CNTNAP2: variants seen among roughly 807,000 people sequenced by gnomAD.
CNTNAP2 encodes contactin associated protein 2, also known as contactin-associated protein-like 2.
CNTNAP2 carries 98 observed loss-of-function variants against 155.2 expected under a neutral mutation model. The ratio of observed to expected loss-of-function variants is 0.63; its 90% CI spans 0.54 to 0.75. The LOEUF (loss-of-function observed/expected upper bound fraction) is 0.75. Among genes scored for constraint, CNTNAP2 ranks in the 30% least tolerant of loss-of-function variants. The pLI, the probability that CNTNAP2 is intolerant of heterozygous loss-of-function variation, is 0.00. For missense variants in CNTNAP2, 1,727 were observed against 1,688.1 expected (o/e 1.02, Z -0.40); for synonymous variants, 651 against 631.2 (o/e 1.03, Z -0.47).
intron 13 of CNTNAP2, among the ~76,000 whole-genome samples, chr7:147,739,166 G>A (rs926011557): frequency 4.0e-5 from 6 of 148,228 alleles, no homozygotes; most frequent in African/African-American, 7.4e-5. Context: ...TTCTTAAATA[G>A]GAGAATACTA....
chr7:146,845,839 T>C (rs541242815), intron 3 of CNTNAP2, among the ~76,000 whole-genome samples: 1 of 152,296 alleles, frequency 6.6e-6, no homozygotes, highest in Admixed American at 6.5e-5. Flanking sequence ...CCAGGTGCCA[T>C]TGCAGTGCTT....
At chr7:146,947,458 CTA>C (rs1334193318) in intron 3 of CNTNAP2, among the ~76,000 whole-genome samples, 17 of 135,902 alleles carry the variant, frequency 1.3e-4, no homozygotes, top group African/African-American at 4.1e-4. Flanking sequence ...ATATATCTTT[CTA>C]TATATATTGT....
At chr7:146,816,739 C>T (rs1563243568) in intron 2 of CNTNAP2, among the ~76,000 whole-genome samples, 4 of 152,124 alleles carry the variant, frequency 2.6e-5, no homozygotes, top group Non-Finnish European at 5.9e-5. Context: ...CAGTAAAGCA[C>T]GGTGGTTAAA....
rs2074715 is a variant in CNTNAP2, at chr7:147,562,282, A to G, written c.1897+25A>G. On this transcript the variant is annotated intron_variant, in intron 12 of 23. Coordinates refer to ENST00000361727, the MANE Select transcript of CNTNAP2 (RefSeq NM_014141.6). The stretch of plus-strand genomic sequence containing the variant: ...GGTAACTGTGTCATATTTATGTTTT[A>G]TGAAGATGCTTTTCTATATGTCACG... 756,122 of 1,612,298 alleles carry G rather than the reference A, an allele frequency of 0.47. 178,422 individuals carry two copies. The highest frequency in any genetic ancestry group is 0.6 in the East Asian group (26,664 of 44,806).
rs117628449 is a variant in CNTNAP2, at chr7:147,501,280, T to A, written c.1777+15239T>A. 3.9e-3 allele frequency among the ~76,000 whole-genome samples: 589 copies of A among 151,788 alleles called. 5 individuals are homozygous for A. The highest frequency in any genetic ancestry group is 0.035 in the East Asian group (182 of 5,164). ...GAGGAGCCCACAGCTATCATCATCCTCAATGGTGAAAAACTGAACGCTTTC... is the reference window on the plus strand; with the variant it reads ...GAGGAGCCCACAGCTATCATCATCCACAATGGTGAAAAACTGAACGCTTTC... On this transcript the variant is annotated intron_variant, in intron 11 of 23. Coordinates refer to ENST00000361727, the MANE Select transcript of CNTNAP2 (RefSeq NM_014141.6).
chr7:147,089,679 A>G (rs939660877), intron 4 of CNTNAP2, among the ~76,000 whole-genome samples: 5 of 152,362 alleles, frequency 3.3e-5, no homozygotes, highest in East Asian at 3.9e-4. Flanking sequence ...ACCAAAGTTT[A>G]CATTGAATAC....
At chr7:146,596,989 G>A (rs1011678400) in intron 1 of CNTNAP2, among the ~76,000 whole-genome samples, 1 of 152,018 alleles carries the variant, frequency 6.6e-6, no homozygotes, top group Admixed American at 6.6e-5. Flanking sequence ...AATAAATGTT[G>A]AGGTTGAATG....
At chr7:147,115,671 A>G (rs1800971437) in intron 5 of CNTNAP2, among the ~76,000 whole-genome samples, 1 of 152,064 alleles carries the variant, frequency 6.6e-6, no homozygotes, top group Non-Finnish European at 1.5e-5. Flanking sequence ...TGTCAATTAT[A>G]TTCCTCTCTA....
At chr7:146,954,122 T>C (rs183222214) in intron 3 of CNTNAP2, among the ~76,000 whole-genome samples, 6 of 152,078 alleles carry the variant, frequency 3.9e-5, no homozygotes, top group African/African-American at 9.6e-5. Flanking sequence ...ATTTCTTGCT[T>C]TGAAATTTTA....
intron 1 of CNTNAP2, among the ~76,000 whole-genome samples, chr7:146,591,182 A>G (rs1385503171): frequency 6.6e-6 from 1 of 152,218 alleles, no homozygotes; most frequent in African/African-American, 2.4e-5. Flanking sequence ...GTATATATAA[A>G]GCATAAATGA....
intron 3 of CNTNAP2, among the ~76,000 whole-genome samples, chr7:146,914,112 GT>G (rs752699759): frequency 6.6e-6 from 1 of 151,538 alleles, no homozygotes; most frequent in African/African-American, 2.4e-5. Context: ...TAAAAGTAAT[GT>G]TTTTTTAAAA....
intron 1 of CNTNAP2, among the ~76,000 whole-genome samples, chr7:146,596,179 T>C (rs539256776): frequency 6.6e-6 from 1 of 152,168 alleles, no homozygotes; most frequent in South Asian, 2.1e-4. Flanking sequence ...TCTATCCACA[T>C]AGATTTTCAG....
intron 2 of CNTNAP2, among the ~76,000 whole-genome samples, chr7:146,831,697 A>T (rs1441745486): frequency 6.6e-6 from 1 of 150,642 alleles, no homozygotes. Flanking sequence ...AAAAAAAAAA[A>T]AGTTAAAGCC....
chr7:147,232,184 G>C (rs1803695768), intron 8 of CNTNAP2, among the ~76,000 whole-genome samples: 1 of 152,174 alleles, frequency 6.6e-6, no homozygotes, highest in African/African-American at 2.4e-5. Context: ...AGAAGGCACA[G>C]ATAAATGAAA....
intron 1 of CNTNAP2, among the ~76,000 whole-genome samples, chr7:146,166,776 G>A (rs1176385745): frequency 6.6e-6 from 1 of 152,202 alleles, no homozygotes; most frequent in Non-Finnish European, 1.5e-5. Flanking sequence ...GTCAGACACA[G>A]TGGAGCAAAT....
At chr7:147,118,684 G>A (rs1032648410) in intron 5 of CNTNAP2, among the ~76,000 whole-genome samples, 1 of 152,058 alleles carries the variant, frequency 6.6e-6, no homozygotes, top group African/African-American at 2.4e-5. Flanking sequence ...AATCTGTATA[G>A]CATGTTACTG....
At chr7:147,279,728 G>A (rs780628053) in intron 8 of CNTNAP2, among the ~76,000 whole-genome samples, 1 of 151,792 alleles carries the variant, frequency 6.6e-6, no homozygotes, top group Non-Finnish European at 1.5e-5. Flanking sequence ...AGCTCTCAAT[G>A]GCTCCCTTTT....
At chr7:146,754,603 A>G (rs1801962991) in intron 1 of CNTNAP2, among the ~76,000 whole-genome samples, 1 of 150,698 alleles carries the variant, frequency 6.6e-6, no homozygotes, top group Admixed American at 6.6e-5. Flanking sequence ...TGGCTGCAAT[A>G]ATAATACTGA....
intron 8 of CNTNAP2, among the ~76,000 whole-genome samples, chr7:147,269,275 T>A (rs998775389): frequency 8.5e-5 from 13 of 152,140 alleles, no homozygotes; most frequent in Non-Finnish European, 1.9e-4. Flanking sequence ...AACTTTTAGG[T>A]TAAGAAAATG....
Sources: allele counts gnomAD v4.1 joint callset (sites outside exome capture counted in the v4.1 genomes callset), GRCh38; gene constraint gnomAD v4.1.1; transcripts MANE v1.5; gene names NCBI Gene and HGNC (gene_info 2026-07-23, HGNC 2026-07-21).